The following SPAG16 variants were observed in gnomAD, a reference collection of about 807,000 sequenced individuals.
SPAG16 encodes the protein sperm associated antigen 16, also known as sperm-associated antigen 16 protein.
Under a neutral mutation model 80.4 loss-of-function variants are expected in SPAG16, and 86 were observed. The ratio of observed to expected loss-of-function variants is 1.07; its 90% CI spans 0.90 to 1.28. The LOEUF is 1.28. SPAG16 is among the 50% of genes most tolerant of loss of function. SPAG16 has a pLI of 0.00. For synonymous variants in SPAG16, 294 were observed against 265.9 expected, an observed-to-expected ratio of 1.11 and a Z score of -1.03; for missense variants, 870 against 765.3, an observed-to-expected ratio of 1.14 and a Z score of -1.61.
chr2:213,909,423 A>G (rs1045985531), intron 11 of SPAG16, among the ~76,000 whole-genome samples: 2 of 152,326 alleles, frequency 1.3e-5, no homozygotes, highest in East Asian at 1.9e-4. Flanking sequence ...CGCCAAGTCA[A>G]TCCTAAGCCA....
At chr2:213,757,540 C>A (rs1344557283) in intron 10 of SPAG16, among the ~76,000 whole-genome samples, 2 of 152,060 alleles carry the variant, frequency 1.3e-5, no homozygotes, top group Non-Finnish European at 2.9e-5. Context: ...GTCTTCCCAC[C>A]TAGAGAACAA....
chr2:214,002,941 A>T (rs1054513286), intron 12 of SPAG16, among the ~76,000 whole-genome samples: 2 of 152,166 alleles, frequency 1.3e-5, no homozygotes, highest in Non-Finnish European at 2.9e-5. Flanking sequence ...TCAAGTTGAC[A>T]CATAAAATTA....
At chr2:213,854,397 C>T (rs1310193317) in intron 10 of SPAG16, among the ~76,000 whole-genome samples, 1 of 152,134 alleles carries the variant, frequency 6.6e-6, no homozygotes, top group African/African-American at 2.4e-5. Flanking sequence ...AAGTACTTTA[C>T]ATATATCAAC....
intron 9 of SPAG16, among the ~76,000 whole-genome samples, chr2:213,481,762 C>T (rs776869364): frequency 5.3e-5 from 8 of 152,130 alleles, no homozygotes; most frequent in Admixed American, 1.3e-4. Context: ...TCTTGCATTC[C>T]CCAAAGGGAA....
intron 15 of SPAG16, chr2:214,280,659 A>G: frequency 3.3e-6 from 1 of 299,934 alleles, no homozygotes; most frequent in Non-Finnish European, 6.5e-6. Flanking sequence ...CCTGCCCCTG[A>G]GCTGTGAGGA....
At chr2:214,285,012 T>A (rs1268150913) in intron 15 of SPAG16, among the ~76,000 whole-genome samples, 2 of 152,224 alleles carry the variant, frequency 1.3e-5, no homozygotes, top group Admixed American at 6.5e-5. Context: ...TTGTTGGCTC[T>A]ATTATAGATC....
intron 9 of SPAG16, among the ~76,000 whole-genome samples, chr2:213,409,478 T>G (rs1293374680): frequency 6.6e-6 from 1 of 152,150 alleles, no homozygotes; most frequent in Non-Finnish European, 1.5e-5. Context: ...CTCGCTAAAG[T>G]TAAAGAGGTA....
chr2:213,888,196 A>G (rs915840021), intron 11 of SPAG16, among the ~76,000 whole-genome samples: 3 of 151,882 alleles, frequency 2.0e-5, no homozygotes, highest in Non-Finnish European at 4.4e-5. Context: ...AATAAGCTAC[A>G]TATGTTACTG....
chr2:213,930,253 A>G (rs562767516), intron 12 of SPAG16, 108 bp downstream of exon 12: 1 of 749,540 alleles, frequency 1.3e-6, no homozygotes, highest in Admixed American at 3.3e-5. Context: ...GGGAAACATT[A>G]AAAGAAACTG....
intron 10 of SPAG16, among the ~76,000 whole-genome samples, chr2:213,515,632 A>T (rs895651268): frequency 1.8e-4 from 28 of 152,336 alleles, no homozygotes; most frequent in Middle Eastern, 3.4e-3. Flanking sequence ...GAAAAATATG[A>T]CAGAAAAAGG....
At chr2:214,220,661 G>A (rs753511975) in intron 15 of SPAG16, among the ~76,000 whole-genome samples, 3 of 152,048 alleles carry the variant, frequency 2.0e-5, no homozygotes, top group Non-Finnish European at 2.9e-5. Flanking sequence ...TCAGGGAATC[G>A]AAGGCTTCTG....
chr2:213,805,829 T>G (rs2071733103), intron 10 of SPAG16, among the ~76,000 whole-genome samples: 2 of 152,196 alleles, frequency 1.3e-5, no homozygotes, highest in African/African-American at 4.8e-5. Flanking sequence ...TTTTTAAATT[T>G]TAAAATATTT....
At chr2:214,375,444 G>A (rs951098345) in intron 15 of SPAG16, among the ~76,000 whole-genome samples, 6 of 152,100 alleles carry the variant, frequency 3.9e-5, no homozygotes, top group African/African-American at 1.2e-4. Context: ...TCTGAGACTA[G>A]TATATAGCTT....
chr2:214,308,736 G>A (rs1300317142), intron 15 of SPAG16, among the ~76,000 whole-genome samples: 1 of 151,978 alleles, frequency 6.6e-6, no homozygotes, highest in East Asian at 1.9e-4. Context: ...CTGGCTTGTA[G>A]AGTTTCAGCT....
chr2:213,663,376 A>T (rs1464607389), intron 10 of SPAG16, among the ~76,000 whole-genome samples: 1 of 152,128 alleles, frequency 6.6e-6, no homozygotes, highest in African/African-American at 2.4e-5. Flanking sequence ...GCATTTAAAA[A>T]AATAAACAGT....
intron 15 of SPAG16, among the ~76,000 whole-genome samples, chr2:214,205,420 A>G (rs534988284): frequency 6.6e-6 from 1 of 152,316 alleles, no homozygotes; most frequent in Admixed American, 6.5e-5. Context: ...GTAGGAGTTA[A>G]AAATCATAAG....
In SPAG16 at chr2:213,511,399, A is replaced by G. The variant is rs562553475; in HGVS notation, c.1070+21309A>G. 6.6e-5 allele frequency among the ~76,000 whole-genome samples: 10 copies of G among 152,258 alleles called. No individual in the cohort carries two copies. The East Asian group carries it at 1.7e-3, about 26-fold the overall frequency. ...GAGATTTGGAAAAAATGTATAGTTA[A>G]ATAAATCACTTAGTGTCTTCTTGAA... is the stretch of plus-strand genomic sequence containing the variant. On this transcript the variant is annotated intron_variant, in intron 10 of 15. Coordinates refer to ENST00000331683, the MANE Select transcript of SPAG16 (RefSeq NM_024532.5).
intron 9 of SPAG16, among the ~76,000 whole-genome samples, chr2:213,435,726 A>G (rs2070596081): frequency 6.6e-6 from 1 of 152,222 alleles, no homozygotes; most frequent in Non-Finnish European, 1.5e-5. Context: ...TAAAAGACAC[A>G]TTGTTCAGGA....
chr2:213,514,376 A>G (rs12988703), intron 10 of SPAG16, among the ~76,000 whole-genome samples: 42,122 of 152,108 alleles, frequency 0.28, 6,536 homozygotes, highest in Middle Eastern at 0.44. Context: ...TGAAGATAAT[A>G]TAAGAATATT....
Sources: gnomAD v4.1 joint callset for allele counts (sites outside exome capture counted in the v4.1 genomes callset) on GRCh38, gnomAD v4.1.1 for gene constraint, MANE v1.5 for transcripts, NCBI Gene and HGNC (gene_info 2026-07-23, HGNC 2026-07-21) for gene names.